TTLL7: variants seen among roughly 807,000 people sequenced by gnomAD.
TTLL7 encodes the protein tubulin tyrosine ligase like 7, also known as tubulin polyglutamylase TTLL7.
A neutral mutation model predicts 120.2 loss-of-function variants in TTLL7; 53 were observed. The ratio of observed to expected loss-of-function variants is 0.44; its 90% CI spans 0.35 to 0.55. The LOEUF is 0.55. Ranked by LOEUF, TTLL7 falls within the 20% of genes least tolerant of loss-of-function variation. The pLI, the probability that TTLL7 is intolerant of heterozygous loss-of-function variation, is 0.00. For synonymous variants in TTLL7, 353 were observed against 351.7 expected (o/e 1.00, Z -0.04); for missense variants, 803 against 1,054.7 (o/e 0.76, Z 3.31).
chr1:83,922,712 A>G (rs1171306766), intron 10 of TTLL7, among the ~76,000 whole-genome samples: 2 of 139,964 alleles, frequency 1.4e-5, no homozygotes, highest in Admixed American at 7.0e-5. Flanking sequence ...TTGAGCCTCA[A>G]ATTTAACTTT....
chr1:83,916,040 G>T (rs1168060539), intron 14 of TTLL7, among the ~76,000 whole-genome samples: 2 of 152,132 alleles, frequency 1.3e-5, no homozygotes. Context: ...TACACTGTTG[G>T]TGGGACTGTA....
At chr1:83,910,177 T>C (rs757617331) in intron 15 of TTLL7, among the ~76,000 whole-genome samples, 2 of 152,198 alleles carry the variant, frequency 1.3e-5, no homozygotes, top group Admixed American at 6.6e-5. Context: ...ATTGGTTCTT[T>C]ATTCCTCATG....
At chr1:83,941,182 C>CT (rs1164615382) in intron 7 of TTLL7, among the ~76,000 whole-genome samples, 1 of 152,238 alleles carries the variant, frequency 6.6e-6, no homozygotes, top group Non-Finnish European at 1.5e-5. Context: ...TTATCTCCAA[C>CT]TGGGCTATGT....
intron 1 of TTLL7, among the ~76,000 whole-genome samples, chr1:83,988,782 C>T (rs1282154275): frequency 1.3e-5 from 2 of 151,982 alleles, no homozygotes; most frequent in African/African-American, 4.8e-5. Context: ...GATCTCAGCT[C>T]ACTGCAGTCT....
At chr1:83,908,541 A>C (rs1216655795) in intron 15 of TTLL7, among the ~76,000 whole-genome samples, 1 of 152,074 alleles carries the variant, frequency 6.6e-6, no homozygotes, top group Non-Finnish European at 1.5e-5. Flanking sequence ...CAAATATCTA[A>C]GAGAAACTAT....
chr1:83,897,876 A>AAAC (rs1472961901), intron 18 of TTLL7, among the ~76,000 whole-genome samples: 2 of 151,130 alleles, frequency 1.3e-5, no homozygotes, highest in Non-Finnish European at 2.9e-5. Context: ...AAAAAAAAAA[A>AAAC]AAAAAAAAAC....
intron 18 of TTLL7, among the ~76,000 whole-genome samples, chr1:83,895,193 C>T (rs1029144550): frequency 2.6e-5 from 4 of 151,992 alleles, no homozygotes; most frequent in African/African-American, 7.2e-5. Context: ...GACTGTTATG[C>T]ATATAAAGGG....
At chr1:83,933,895 CT>C (rs1231857686) in intron 8 of TTLL7, 129 bp from the exon 9 acceptor site, 2 of 767,010 alleles carry the variant, frequency 2.6e-6, no homozygotes, top group African/African-American at 3.5e-5. Flanking sequence ...GCCCCTGCCA[CT>C]GCTCTGACTT....
intron 10 of TTLL7, among the ~76,000 whole-genome samples, chr1:83,923,526 A>G (rs1400535103): frequency 6.6e-6 from 1 of 151,970 alleles, no homozygotes; most frequent in Non-Finnish European, 1.5e-5. Flanking sequence ...ATACTTATAC[A>G]CAAACAGTTT....
rs374557018 is a variant in TTLL7, at chr1:83,890,330, C to A, written c.2360G>T (p.Cys787Phe). 3 of 1,611,494 alleles carry A rather than the reference C, an allele frequency of 1.9e-6. No homozygotes were observed. Among genetic ancestry groups the A allele is most frequent in the Non-Finnish European group, 2.5e-6 (3 of 1,178,948 alleles). The change falls in exon 19 of 21, where the codon TGT (cysteine) becomes TTT (phenylalanine). Residue 787 changes from cysteine (C) to phenylalanine (F), a missense_variant. Physicochemically the swap from Cys to Phe is radical, Grantham distance 205. Around this residue, in one of 3 missense-constraint regions of TTLL7, gnomAD observed 388 missense variants for 450.4 expected, o/e 0.86. Transcript: ENST00000260505. Reference protein sequence around the residue: ...SRGQGLWNCFCDSGSSWESIF... With the variant: ...SRGQGLWNCFFDSGSSWESIF... ...ATGACTTAGAGCTTACCCTGAATCA[C>A]AGAAACAGTTCCACAGCCCTTGGCC... is the stretch of plus-strand genomic sequence containing the variant.
chr1:83,922,060 T>G (rs1341998303), intron 10 of TTLL7, among the ~76,000 whole-genome samples: 1 of 152,070 alleles, frequency 6.6e-6, no homozygotes. Flanking sequence ...ACGTAGCTGG[T>G]GAAATAACAC....
intron 20 of TTLL7, among the ~76,000 whole-genome samples, chr1:83,876,541 T>G (rs1653941362): frequency 6.6e-6 from 1 of 151,990 alleles, no homozygotes; most frequent in African/African-American, 2.4e-5. Context: ...TAGGAAATTA[T>G]TTGAGAAGAA....
At chr1:83,976,033 CTGTGTGTGTGTGTGTG>C (rs34596192) in intron 1 of TTLL7, among the ~76,000 whole-genome samples, 4 of 147,832 alleles carry the variant, frequency 2.7e-5, no homozygotes, top group East Asian at 2.0e-4. Context: ...TTGTCTCTCT[CTGTGTGTGTGTGTGTG>C]TGTGTGTGTG....
intron 1 of TTLL7, among the ~76,000 whole-genome samples, chr1:83,982,130 A>G (rs1652023759): frequency 6.6e-6 from 1 of 152,248 alleles, no homozygotes; most frequent in African/African-American, 2.4e-5. Flanking sequence ...CCAATAACAG[A>G]AACAGCAGCA....
chr1:83,965,309 T>C (rs1003105366), intron 1 of TTLL7, among the ~76,000 whole-genome samples: 200 of 152,186 alleles, frequency 1.3e-3, no homozygotes, highest in Non-Finnish European at 1.5e-5. Flanking sequence ...ACACTTGTTC[T>C]TGTGATAGTG....
chr1:83,874,242 G>A (rs1473676040), intron 20 of TTLL7, among the ~76,000 whole-genome samples: 1 of 151,956 alleles, frequency 6.6e-6, no homozygotes, highest in African/African-American at 2.4e-5. Flanking sequence ...TTGTCCATTT[G>A]TGTTTGGCTG....
chr1:83,990,234 G>T (rs1030269184), intron 1 of TTLL7, among the ~76,000 whole-genome samples: 34 of 145,324 alleles, frequency 2.3e-4, no homozygotes, highest in African/African-American at 8.1e-4. Flanking sequence ...GGACTGCAGT[G>T]GCGCAATCTC....
chr1:83,926,477 C>A (rs1659139221), intron 10 of TTLL7, among the ~76,000 whole-genome samples: 1 of 151,978 alleles, frequency 6.6e-6, no homozygotes, highest in South Asian at 2.1e-4. Flanking sequence ...ATGTCAGACT[C>A]AAAAATGATG....
At chr1:83,870,160 T>C in intron 20 of TTLL7, 78 bp from the exon 21 acceptor site, 3 of 1,327,318 alleles carry the variant, frequency 2.3e-6, no homozygotes, top group Non-Finnish European at 2.0e-6. Flanking sequence ...TGGTTAGCAA[T>C]TTACGTAGTC....
Sources: allele counts gnomAD v4.1 joint callset (sites outside exome capture counted in the v4.1 genomes callset), GRCh38; gene constraint gnomAD v4.1.1; regional missense constraint gnomAD v4.1.1; transcripts MANE v1.5; gene names NCBI Gene and HGNC (gene_info 2026-07-23, HGNC 2026-07-21).